ATXN1: variants seen among roughly 807,000 people sequenced by gnomAD.
The protein encoded by ATXN1 is ataxin-1.
ATXN1 carries 8 observed loss-of-function variants against 56.4 expected under a neutral mutation model. The observed-to-expected ratio is 0.14, with a 90% CI of 0.08 to 0.26. ATXN1 has a LOEUF of 0.26. Ranked by LOEUF, ATXN1 falls within the 10% of genes least tolerant of loss-of-function variation. The pLI is 1.00. For synonymous variants in ATXN1, 514 were observed against 494.6 expected, an observed-to-expected ratio of 1.04 and a Z score of -0.52; for missense variants, 987 against 1,106.5, an observed-to-expected ratio of 0.89 and a Z score of 1.53.
At chr6:16,396,843 T>A (rs907975357) in intron 6 of ATXN1, among the ~76,000 whole-genome samples, 6 of 152,094 alleles carry the variant, frequency 3.9e-5, no homozygotes, top group African/African-American at 1.4e-4. Flanking sequence ...ACAAAAACTA[T>A]GTTTAGGAAC....
intron 4 of ATXN1, among the ~76,000 whole-genome samples, chr6:16,562,942 C>T (rs1762149448): frequency 6.6e-6 from 1 of 151,374 alleles, no homozygotes; most frequent in Non-Finnish European, 1.5e-5. Context: ...AGGGAGATAA[C>T]CTAGGTGACA....
At chr6:16,470,938 CTG>C (rs1760204622) in intron 6 of ATXN1, among the ~76,000 whole-genome samples, 1 of 152,122 alleles carries the variant, frequency 6.6e-6, no homozygotes, top group Non-Finnish European at 1.5e-5. Context: ...CTCAACAAGA[CTG>C]TTTTTCTCCA....
chr6:16,373,616 G>C (rs905831000), intron 6 of ATXN1, among the ~76,000 whole-genome samples: 1 of 152,146 alleles, frequency 6.6e-6, no homozygotes, highest in African/African-American at 2.4e-5. Flanking sequence ...CTGAATAATG[G>C]GGGCAGTTTC....
chr6:16,503,718 A>G (rs1581806204), intron 5 of ATXN1, among the ~76,000 whole-genome samples: 1 of 152,208 alleles, frequency 6.6e-6, no homozygotes, highest in East Asian at 1.9e-4. Flanking sequence ...TGAATGAATG[A>G]ATAAAGATGG....
chr6:16,308,560 G>T (rs1308173139), intron 7 of ATXN1, among the ~76,000 whole-genome samples: 1 of 152,120 alleles, frequency 6.6e-6, no homozygotes, highest in Non-Finnish European at 1.5e-5. Flanking sequence ...GTGTTCTCTG[G>T]TGAGCCCCAT....
At chr6:16,351,618 G>C (rs1761569312) in intron 6 of ATXN1, among the ~76,000 whole-genome samples, 1 of 152,090 alleles carries the variant, frequency 6.6e-6, no homozygotes, top group African/African-American at 2.4e-5. Flanking sequence ...GTCCAGGCTT[G>C]TCTTGAACTC....
intron 6 of ATXN1, among the ~76,000 whole-genome samples, chr6:16,426,364 C>A (rs1561891368): frequency 2.0e-5 from 3 of 151,950 alleles, no homozygotes; most frequent in Admixed American, 2.0e-4. Flanking sequence ...CAATTATGGA[C>A]CTTATGGAGG....
chr6:16,349,775 G>C (rs1761529727), intron 6 of ATXN1, among the ~76,000 whole-genome samples: 1 of 152,082 alleles, frequency 6.6e-6, no homozygotes, highest in African/African-American at 2.4e-5. Flanking sequence ...CCAAAGCCTT[G>C]TTTGCAGAAC....
intron 6 of ATXN1, among the ~76,000 whole-genome samples, chr6:16,421,911 G>T (rs751422706): frequency 6.6e-6 from 1 of 152,212 alleles, no homozygotes; most frequent in African/African-American, 2.4e-5. Context: ...GTTTAGCCAC[G>T]ACTGGCAGCC....
chr6:16,633,450 C>T (rs1359591349), intron 3 of ATXN1, among the ~76,000 whole-genome samples: 1 of 152,186 alleles, frequency 6.6e-6, no homozygotes, highest in Non-Finnish European at 1.5e-5. Context: ...TATGAGTCCT[C>T]ATTGTAATGT....
At chr6:16,426,038 T>C (rs777201429) in intron 6 of ATXN1, among the ~76,000 whole-genome samples, 14 of 152,268 alleles carry the variant, frequency 9.2e-5, no homozygotes, top group Non-Finnish European at 1.6e-4. Flanking sequence ...CGTTGGCATA[T>C]TGGCCCACAA....
At chr6:16,754,301 G>C (rs1760820238) in intron 1 of ATXN1, among the ~76,000 whole-genome samples, 1 of 152,162 alleles carries the variant, frequency 6.6e-6, no homozygotes, top group Admixed American at 6.5e-5. Context: ...TTGATTACTG[G>C]AGCTGATCTG....
At chr6:16,701,280 G>C (rs1007427555) in intron 2 of ATXN1, among the ~76,000 whole-genome samples, 2 of 152,346 alleles carry the variant, frequency 1.3e-5, no homozygotes, top group South Asian at 2.1e-4. Context: ...TGGCGCTCAG[G>C]CGATGGAGCA....
At chr6:16,598,717 T>G (rs1274342477) in intron 3 of ATXN1, among the ~76,000 whole-genome samples, 1 of 151,676 alleles carries the variant, frequency 6.6e-6, no homozygotes, top group Non-Finnish European at 1.5e-5. Flanking sequence ...CAAGCTGGAG[T>G]GGGGGTGGCA....
intron 2 of ATXN1, among the ~76,000 whole-genome samples, chr6:16,682,193 C>T (rs1417356914): frequency 1.1e-5 from 1 of 91,590 alleles, no homozygotes; most frequent in Non-Finnish European, 2.3e-5. Flanking sequence ...GTAGAGGCCA[C>T]TGGGGAGAAC....
At chr6:16,645,540 G>A (rs933239161) in intron 3 of ATXN1, among the ~76,000 whole-genome samples, 1 of 152,194 alleles carries the variant, frequency 6.6e-6, no homozygotes, top group African/African-American at 2.4e-5. Flanking sequence ...GTTCAATAGA[G>A]GGAGGGGTGG....
intron 6 of ATXN1, among the ~76,000 whole-genome samples, chr6:16,357,760 G>A (rs1037235656): frequency 1.3e-5 from 2 of 152,156 alleles, no homozygotes; most frequent in African/African-American, 4.8e-5. Context: ...GGCAAGGCTC[G>A]AGGAATGATT....
rs541043676 is a variant in ATXN1, at chr6:16,302,442, T to C, written c.*3887A>G. 1 of 152,744 alleles carries C rather than the reference T, an allele frequency of 6.5e-6. No individual in the cohort carries two copies. Among genetic ancestry groups the C allele is most frequent in the East Asian group, 1.9e-4 (1 of 5,190 alleles). The allele number at this position is 152,744 out of a possible 1,614,324, so 9.5% of individuals were successfully genotyped here. A position where few individuals can be genotyped will look rare whatever the true frequency, so the allele number is the denominator to read the frequency against. On this transcript the variant is annotated 3_prime_UTR_variant, in exon 8 of 8. Transcript: ENST00000436367. Reference sequence around the variant, plus strand: ...AGGGAAAACGAAAAGTTGACCAACATAGAAAATTATCCTGAAAGTCCAAAT... The same window carrying C: ...AGGGAAAACGAAAAGTTGACCAACACAGAAAATTATCCTGAAAGTCCAAAT...
intron 2 of ATXN1, among the ~76,000 whole-genome samples, chr6:16,702,889 T>C (rs940761351): frequency 3.3e-5 from 5 of 152,282 alleles, no homozygotes; most frequent in African/African-American, 9.6e-5. Flanking sequence ...TGTGGGACTG[T>C]AAACTAGTTC....
Sources: allele counts gnomAD v4.1 joint callset (sites outside exome capture counted in the v4.1 genomes callset), GRCh38; gene constraint gnomAD v4.1.1; transcripts MANE v1.5; gene names NCBI Gene and HGNC (gene_info 2026-07-23, HGNC 2026-07-21).